MACROD2: variants seen among roughly 807,000 people sequenced by gnomAD.
MACROD2 encodes ADP-ribose glycohydrolase MACROD2.
In MACROD2, 36 loss-of-function variants were observed where a neutral mutation model predicts 70.4. The observed-to-expected ratio is 0.51, with a 90% CI of 0.39 to 0.68. MACROD2 has a LOEUF of 0.68. Among genes scored for constraint, MACROD2 ranks in the 30% least tolerant of loss-of-function variants. The pLI is 0.00. For synonymous variants in MACROD2, 172 were observed against 178.8 expected (o/e 0.96, Z 0.30); for missense variants, 496 against 538.4 (o/e 0.92, Z 0.78).
At chr20:14,754,659 C>T in intron 5 of MACROD2, among the ~76,000 whole-genome samples, 1 of 151,972 alleles carries the variant, frequency 6.6e-6, no homozygotes, top group East Asian at 1.9e-4. Flanking sequence ...AAATAATTTC[C>T]TCAAGAACAC....
chr20:14,975,843 A>G (rs1461110837), intron 5 of MACROD2, among the ~76,000 whole-genome samples: 1 of 152,166 alleles, frequency 6.6e-6, no homozygotes, highest in African/African-American at 2.4e-5. Flanking sequence ...AGTGAGCAAA[A>G]GAAGGATGCG....
intron 6 of MACROD2, among the ~76,000 whole-genome samples, chr20:15,250,202 C>T (rs2077142819): frequency 6.6e-6 from 1 of 152,228 alleles, no homozygotes; most frequent in Non-Finnish European, 1.5e-5. Context: ...CAGCCCTACA[C>T]CACACAGCTT....
chr20:15,236,697 C>A (rs2077016407), intron 6 of MACROD2, among the ~76,000 whole-genome samples: 1 of 152,162 alleles, frequency 6.6e-6, no homozygotes, highest in African/African-American at 2.4e-5. Context: ...TTCTGTTTCT[C>A]CACTAGCTAA....
intron 8 of MACROD2, among the ~76,000 whole-genome samples, chr20:15,519,116 TTC>T (rs1491550674): frequency 1.1e-4 from 15 of 140,412 alleles, no homozygotes; most frequent in African/African-American, 2.3e-4. Flanking sequence ...CCTTCCTTCC[TTC>T]CTTTCTTTCT....
intron 15 of MACROD2, among the ~76,000 whole-genome samples, chr20:16,020,151 G>A (rs2066981871): frequency 6.6e-6 from 1 of 152,104 alleles, no homozygotes; most frequent in African/African-American, 2.4e-5. Context: ...GTCCCACAAA[G>A]GCTGGTTCCT....
intron 3 of MACROD2, among the ~76,000 whole-genome samples, chr20:14,163,331 G>A (rs934490316): frequency 9.9e-5 from 15 of 152,108 alleles, no homozygotes; most frequent in Non-Finnish European, 2.1e-4. Flanking sequence ...GTCTGATGGG[G>A]ATTCCTTTAT....
intron 5 of MACROD2, among the ~76,000 whole-genome samples, chr20:14,927,595 G>A (rs1056924543): frequency 5.9e-5 from 9 of 152,284 alleles, no homozygotes; most frequent in Admixed American, 5.2e-4. Flanking sequence ...TGGCTTGGTG[G>A]CTCCACATTC....
intron 5 of MACROD2, among the ~76,000 whole-genome samples, chr20:15,224,742 C>A (rs2076890708): frequency 6.6e-6 from 1 of 152,012 alleles, no homozygotes; most frequent in African/African-American, 2.4e-5. Context: ...GTCAGCCTGG[C>A]CAACATGGTA....
chr20:15,960,050 G>A (rs570601068), intron 12 of MACROD2, among the ~76,000 whole-genome samples: 1 of 152,284 alleles, frequency 6.6e-6, no homozygotes, highest in South Asian at 2.1e-4. Context: ...TCACCCAGGA[G>A]GCAACAGCCA....
At chr20:14,432,022 C>G (rs1229618477) in intron 3 of MACROD2, among the ~76,000 whole-genome samples, 1 of 152,146 alleles carries the variant, frequency 6.6e-6, no homozygotes, top group Non-Finnish European at 1.5e-5. Flanking sequence ...AATTATTTGT[C>G]TCAATTCCTC....
intron 10 of MACROD2, chr20:15,893,527 T>C: frequency 2.8e-6 from 1 of 362,538 alleles, no homozygotes; most frequent in Admixed American, 3.7e-5. Context: ...CTGGACTCAG[T>C]TTTATGAATA....
At chr20:15,740,711 CT>C (rs11474009) in intron 8 of MACROD2, among the ~76,000 whole-genome samples, 212 of 144,442 alleles carry the variant, frequency 1.5e-3, no homozygotes, top group Middle Eastern at 3.5e-3. Flanking sequence ...TACATGGAGC[CT>C]TTTTTTTTTT....
chr20:14,962,533 C>G (rs1042773906), intron 5 of MACROD2, among the ~76,000 whole-genome samples: 3 of 147,330 alleles, frequency 2.0e-5, no homozygotes, highest in African/African-American at 7.5e-5. Context: ...CTCTTTCTCT[C>G]TCTCTCTCTT....
chr20:15,594,260 T>C lies in MACROD2; in HGVS notation c.645+94413T>C, dbSNP rs554854577. Reference sequence around the variant, plus strand: ...TTTTCTTTTTTCCCTTTACTTTGCTTAGCATGATGTTTGAAAGGCCTATTT... The same window carrying C: ...TTTTCTTTTTTCCCTTTACTTTGCTCAGCATGATGTTTGAAAGGCCTATTT... On this transcript the variant is annotated intron_variant, in intron 8 of 17. Transcript: ENST00000684519. 7.7e-4 allele frequency among the ~76,000 whole-genome samples: 117 copies of C among 152,314 alleles called. 3 individuals carry two copies. The South Asian group carries it at 0.022, about 29-fold the overall frequency.
chr20:15,862,106 C>T (rs1204976619), intron 8 of MACROD2, among the ~76,000 whole-genome samples: 1 of 152,174 alleles, frequency 6.6e-6, no homozygotes, highest in Non-Finnish European at 1.5e-5. Flanking sequence ...AGGGACTATG[C>T]ACACATTTTA....
intron 3 of MACROD2, among the ~76,000 whole-genome samples, chr20:14,203,385 AT>A (rs111988524): frequency 2.7e-5 from 4 of 150,180 alleles, no homozygotes; most frequent in African/African-American, 9.8e-5. Context: ...AATTTCATAG[AT>A]TTTTTTTTCT....
intron 6 of MACROD2, among the ~76,000 whole-genome samples, chr20:15,314,295 C>G (rs1043524811): frequency 2.6e-5 from 4 of 151,888 alleles, no homozygotes; most frequent in African/African-American, 9.7e-5. Context: ...AAAAAGGCAA[C>G]TTTAAAAATG....
intron 3 of MACROD2, among the ~76,000 whole-genome samples, chr20:14,343,197 C>G (rs1468015156): frequency 1.3e-5 from 2 of 151,470 alleles, no homozygotes; most frequent in Non-Finnish European, 2.9e-5. Flanking sequence ...TGACCCCTTG[C>G]CACTCCCCAG....
intron 8 of MACROD2, among the ~76,000 whole-genome samples, chr20:15,550,747 C>T (rs1423771196): frequency 1.3e-5 from 2 of 152,164 alleles, no homozygotes; most frequent in Admixed American, 6.5e-5. Context: ...CGGGGTAGCA[C>T]AACAGGCACT....
Sources: gnomAD v4.1 joint callset for allele counts (sites outside exome capture counted in the v4.1 genomes callset) on GRCh38, gnomAD v4.1.1 for gene constraint, MANE v1.5 for transcripts, NCBI Gene and HGNC (gene_info 2026-07-23, HGNC 2026-07-21) for gene names.